ZNF185: variants seen among roughly 807,000 people sequenced by gnomAD.
ZNF185 encodes the protein zinc finger protein 185.
A neutral mutation model predicts 58.6 loss-of-function variants in ZNF185; 56 were observed. The observed-to-expected ratio is 0.95, with a 90% CI of 0.77 to 1.19. The LOEUF (loss-of-function observed/expected upper bound fraction) is 1.19. Among genes scored for constraint, ZNF185 ranks in the 50% most tolerant of loss-of-function variants. The pLI is 0.00. For missense variants in ZNF185, 627 were observed against 573.5 expected (o/e 1.09, Z -0.95); for synonymous variants, 230 against 215.9 (o/e 1.07, Z -0.57).
the ZNF185 span, among the ~76,000 whole-genome samples, chrX:152,908,961 GTGT>G: frequency 8.8e-6 from 1 of 113,404 alleles, no homozygotes; most frequent in Non-Finnish European, 1.9e-5. Context: ...AGGGAAGCCA[GTGT>G]TGTTATTGCT....
At chrX:152,938,446 G>A (rs1420549722) in intron 15 of ZNF185, among the ~76,000 whole-genome samples, 1 of 112,442 alleles carries the variant, frequency 8.9e-6, no homozygotes, top group East Asian at 2.8e-4. Flanking sequence ...GCTGGAGCAT[G>A]CAGACAAATC....
chrX:152,923,402 T>A (rs1354465309), intron 11 of ZNF185, among the ~76,000 whole-genome samples: 1 of 112,566 alleles, frequency 8.9e-6, no homozygotes, highest in African/African-American at 3.2e-5. Context: ...GCTCCCTCCA[T>A]GGCCCCAGGC....
Position 152,969,362 on chromosome X carries a change from T to G in ZNF185, c.1872-20T>G. ...CTGTACACCAGCCTGACCACCGGGT[T>G]ATTGTTCTTCATCTCACAGGACAAC... On this transcript the variant is annotated intron_variant, in intron 20 of 22. Coordinates refer to ENST00000449285, the Ensembl canonical transcript of ZNF185. 8.5e-7 allele frequency: 1 copy of G among 1,180,317 alleles called. No homozygotes were observed. The highest frequency in any genetic ancestry group is 1.8e-5 in the South Asian group (1 of 54,221).
intron 3 of ZNF185, among the ~76,000 whole-genome samples, chrX:152,916,108 C>A (rs1385869319): frequency 8.9e-6 from 1 of 111,996 alleles, no homozygotes; most frequent in Non-Finnish European, 1.9e-5. Context: ...TCAGGCAGGA[C>A]CCTAGTAAAC....
At chrX:152,951,313 A>G (rs148789747) in intron 16 of ZNF185, among the ~76,000 whole-genome samples, 1,327 of 111,766 alleles carry the variant, frequency 0.012, 23 homozygotes, top group African/African-American at 0.038. Context: ...TACAAGTATA[A>G]TATTTGATAT....
chrX:152,921,885 A>G (rs1474693684), intron 9 of ZNF185, among the ~76,000 whole-genome samples: 5 of 111,063 alleles, frequency 4.5e-5, no homozygotes, highest in Non-Finnish European at 9.4e-5. Context: ...GACCCATCCT[A>G]CTCCAGTATG....
At chrX:152,962,625 T>C (rs1044090603) in intron 17 of ZNF185, among the ~76,000 whole-genome samples, 1 of 112,196 alleles carries the variant, frequency 8.9e-6, no homozygotes, top group Non-Finnish European at 1.9e-5. Flanking sequence ...TTCTCCAGTC[T>C]CTATGGTATA....
intron 16 of ZNF185, among the ~76,000 whole-genome samples, chrX:152,950,371 T>G (rs1369448891): frequency 3.6e-5 from 4 of 111,943 alleles, no homozygotes; most frequent in African/African-American, 1.3e-4. Context: ...GCAATGTGAA[T>G]TTCCCATAAT....
chrX:152,937,886 C>T (rs1282720785), intron 14 of ZNF185, among the ~76,000 whole-genome samples, 188 bp from the exon 17 acceptor site: 1 of 112,600 alleles, frequency 8.9e-6, no homozygotes, highest in Non-Finnish European at 1.9e-5. Flanking sequence ...AAGGCCATGT[C>T]CAAAGCTGAC....
At position 152,917,844 on chromosome X, in the gene ZNF185, C is replaced by A. The variant is rs1375822981; in HGVS notation, c.342-221C>A. 2.8e-6 allele frequency: 3 copies of A among 1,071,019 alleles called. No homozygotes were observed. In the East Asian group the frequency reaches 1.0e-4, roughly 37 times the overall value. 88.3% of individuals were successfully genotyped at this position (1,071,019 alleles called of 1,213,427 possible). On this transcript the variant is annotated intron_variant, in intron 5 of 22. Transcript: ENST00000449285. ...GACCCGGAAACAGGAAGCAAAGACA[C>A]AGGCAAGAGCCCGCTGGGCTGTTCC...
chrX:152,971,745 T>G (rs1311384753), exon 23 of ZNF185: 1 of 112,575 alleles, frequency 8.9e-6, no homozygotes, highest in African/African-American at 3.2e-5. Flanking sequence ...GCTTGTCTAT[T>G]TGCCATATCT....
At chrX:152,962,174 G>T (rs1416764732) in intron 17 of ZNF185, among the ~76,000 whole-genome samples, 1 of 111,449 alleles carries the variant, frequency 9.0e-6, no homozygotes, top group African/African-American at 3.3e-5. Flanking sequence ...AGGGTACGGG[G>T]TGAGGTGAGC....
chrX:152,898,152 C>G, the ZNF185 span, among the ~76,000 whole-genome samples: 4 of 108,629 alleles, frequency 3.7e-5, no homozygotes, highest in Non-Finnish European at 7.7e-5. Context: ...CCGGCCCGGC[C>G]CGGCCGGGCG....
At chrX:152,949,946 TA>T (rs2048141197) in intron 16 of ZNF185, among the ~76,000 whole-genome samples, 1 of 111,417 alleles carries the variant, frequency 9.0e-6, no homozygotes, top group Non-Finnish European at 1.9e-5. Flanking sequence ...GTGCTAAGGG[TA>T]AAACCTTAGG....
At chrX:152,959,266 G>A (rs1232961036) in intron 16 of ZNF185, among the ~76,000 whole-genome samples, 1 of 111,728 alleles carries the variant, frequency 9.0e-6, no homozygotes, top group Non-Finnish European at 1.9e-5. Context: ...CTCCTCCCTA[G>A]ACTGCCGGGT....
chrX:152,918,158 A>G lies in ZNF185; in HGVS notation c.431+4A>G, dbSNP rs1556867358. On this transcript the variant is annotated splice_donor_region_variant and intron_variant, in intron 6 of 22. Coordinates refer to ENST00000449285, the Ensembl canonical transcript of ZNF185. Reference sequence around the variant, plus strand: ...CCACTGAGGATTACAAGAAGCTGTGAGTATGCAACGCCAGGCTCAGCGTGG... The same window carrying G: ...CCACTGAGGATTACAAGAAGCTGTGGGTATGCAACGCCAGGCTCAGCGTGG... The G allele has an allele frequency of 8.4e-7, 1 of 1,188,085 alleles. No homozygotes were observed.
At chrX:152,953,411 T>C in intron 16 of ZNF185, among the ~76,000 whole-genome samples, 1 of 112,169 alleles carries the variant, frequency 8.9e-6, no homozygotes, top group Non-Finnish European at 1.9e-5. Flanking sequence ...AAATACCGTC[T>C]CTGGGCAGGG....
intron 10 of ZNF185, 88 bp from the exon 12 acceptor site, chrX:152,922,632 T>C: frequency 1.1e-6 from 1 of 876,036 alleles, no homozygotes; most frequent in South Asian, 2.4e-5. Context: ...ACTTGCTCCT[T>C]GCACTCCAAT....
intron 14 of ZNF185, among the ~76,000 whole-genome samples, chrX:152,935,038 G>A (rs1348518255): frequency 9.0e-6 from 1 of 110,584 alleles, no homozygotes; most frequent in Non-Finnish European, 1.9e-5. Flanking sequence ...TGCCCAGGCT[G>A]GTTTGGAACT....
Sources: gnomAD v4.1 joint callset for allele counts (sites outside exome capture counted in the v4.1 genomes callset) on GRCh38, gnomAD v4.1.1 for gene constraint, MANE v1.5 for transcripts, NCBI Gene and HGNC (gene_info 2026-07-23, HGNC 2026-07-21) for gene names.